The following R3HDM1 variants were observed in gnomAD, a reference collection of about 807,000 sequenced individuals.
R3HDM1 encodes R3H domain containing 1, also known as R3H domain-containing protein 1.
R3HDM1 carries 46 observed loss-of-function variants against 141.1 expected under a neutral mutation model. The observed-to-expected ratio is 0.33, with a 90% CI of 0.26 to 0.42. The LOEUF (loss-of-function observed/expected upper bound fraction) is 0.42, where lower values mean the gene tolerates loss of function less well. R3HDM1 is among the 10% of genes least tolerant of loss of function. R3HDM1 has a pLI of 1.00. For missense variants in R3HDM1, 1,184 were observed against 1,368.3 expected, an observed-to-expected ratio of 0.87 and a Z score of 2.12; for synonymous variants, 435 against 472.9, an observed-to-expected ratio of 0.92 and a Z score of 1.04.
intron 1 of R3HDM1, among the ~76,000 whole-genome samples, 182 bp from the exon 2 acceptor site, chr2:135,602,318 T>TGA (rs2059692281): frequency 6.6e-6 from 1 of 152,218 alleles, no homozygotes. Flanking sequence ...CTCAGTGACT[T>TGA]ATTCAGGTTC....
intron 1 of R3HDM1, chr2:135,597,092 T>C: frequency 1.0e-6 from 1 of 979,602 alleles, no homozygotes; most frequent in Admixed American, 6.1e-5. Flanking sequence ...TCCCTAAAAG[T>C]AATTTGTTTC....
At chr2:135,637,617 C>T (rs2105235902) in intron 11 of R3HDM1, among the ~76,000 whole-genome samples, 2 of 152,256 alleles carry the variant, frequency 1.3e-5, no homozygotes, top group East Asian at 3.9e-4. Context: ...TACTGCACTC[C>T]AGCCTGGGTG....
chr2:135,614,300 C>CT (rs201926088), intron 3 of R3HDM1, among the ~76,000 whole-genome samples: 1 of 151,974 alleles, frequency 6.6e-6, no homozygotes, highest in African/African-American at 2.4e-5. Context: ...ATTTTATAGA[C>CT]TTTTTTTTAA....
At chr2:135,539,510 G>C (rs976680547) in intron 1 of R3HDM1, among the ~76,000 whole-genome samples, 1 of 152,122 alleles carries the variant, frequency 6.6e-6, no homozygotes, top group Non-Finnish European at 1.5e-5. Context: ...TGATTGTATT[G>C]ATACAGCAAC....
chr2:135,654,918 T>C (rs1168027926), intron 18 of R3HDM1, among the ~76,000 whole-genome samples: 1 of 151,394 alleles, frequency 6.6e-6, no homozygotes, highest in Non-Finnish European at 1.5e-5. Flanking sequence ...CTTTTTGTTA[T>C]TGAGCTAAGA....
intron 1 of R3HDM1, among the ~76,000 whole-genome samples, chr2:135,540,572 A>G (rs1697262735): frequency 6.6e-6 from 1 of 151,960 alleles, no homozygotes; most frequent in Non-Finnish European, 1.5e-5. Context: ...ACATCCGTCT[A>G]TTTTTATTTA....
intron 18 of R3HDM1, among the ~76,000 whole-genome samples, chr2:135,655,873 T>G (rs2065814635): frequency 6.6e-6 from 1 of 152,142 alleles, no homozygotes; most frequent in African/African-American, 2.4e-5. Flanking sequence ...GCTTTTCTGT[T>G]TCTGCAAAAA....
intron 1 of R3HDM1, among the ~76,000 whole-genome samples, chr2:135,582,103 G>A (rs767088075): frequency 1.3e-5 from 2 of 152,088 alleles, no homozygotes; most frequent in African/African-American, 2.4e-5. Flanking sequence ...CCAAGTGGGC[G>A]GATCACCTGA....
At chr2:135,720,252 T>A (rs2076576925) in intron 24 of R3HDM1, among the ~76,000 whole-genome samples, 1 of 152,164 alleles carries the variant, frequency 6.6e-6, no homozygotes, top group Admixed American at 6.5e-5. Flanking sequence ...AAAGAGTATG[T>A]CATGCATATG....
intron 1 of R3HDM1, among the ~76,000 whole-genome samples, chr2:135,579,000 T>A (rs996449348): frequency 1.3e-5 from 2 of 152,216 alleles, no homozygotes; most frequent in African/African-American, 4.8e-5. Flanking sequence ...AATATGTGTA[T>A]ACTGTACATA....
chr2:135,611,012 A>AG (rs527410188), intron 3 of R3HDM1, among the ~76,000 whole-genome samples: 49 of 151,840 alleles, frequency 3.2e-4, no homozygotes, highest in Middle Eastern at 3.4e-3. Flanking sequence ...TGGGAGGCTG[A>AG]GGTGGGAGGA....
Position 135,724,450 on chromosome 2 carries a change from G to A in R3HDM1, c.*158G>A. ...GAAAGGCCAGTGATCCAGCAAAGGG[G>A]GAAAAATATGCATTTCACCCCACAT... On this transcript the variant is annotated 3_prime_UTR_variant, in exon 27 of 27. Coordinates refer to ENST00000683871, the MANE Select transcript of R3HDM1 (RefSeq NM_001378107.1). 2 of 558,094 alleles carry A rather than the reference G, an allele frequency of 3.6e-6. No homozygotes were observed. The highest frequency in any genetic ancestry group is 3.1e-6 in the Non-Finnish European group (1 of 324,452). 34.6% of individuals were successfully genotyped at this position (558,094 alleles called of 1,614,324 possible). A position where few individuals can be genotyped will look rare whatever the true frequency, so the allele number is the denominator to read the frequency against.
chr2:135,607,741 C>G lies in R3HDM1; in HGVS notation c.171+2725C>G, dbSNP rs1012478033. On this transcript the variant is annotated intron_variant, in intron 3 of 26. Coordinates refer to ENST00000683871, the MANE Select transcript of R3HDM1 (RefSeq NM_001378107.1). ...ACCATGTCTATTGTGTTGCCCTTGG[C>G]AGTAAGCCACAAGAACATTCTGATG... The G allele has an allele frequency of 1.5e-5, 9 of 581,830 alleles. No homozygotes were observed. In the African/African-American group the frequency reaches 1.6e-4, roughly 11 times the overall value. The allele number at this position is 581,830 out of a possible 1,614,324, so 36.0% of individuals were successfully genotyped here.
intron 19 of R3HDM1, among the ~76,000 whole-genome samples, chr2:135,672,726 A>AGTGC (rs1456032664): frequency 2.0e-5 from 3 of 151,910 alleles, no homozygotes; most frequent in African/African-American, 7.3e-5. Context: ...TTTGTAAGAG[A>AGTGC]GTGCGTGTGT....
chr2:135,559,055 G>T, intron 1 of R3HDM1: 2 of 743,076 alleles, frequency 2.7e-6, no homozygotes, highest in Non-Finnish European at 3.1e-6. Flanking sequence ...CACAAAGTGT[G>T]TGTGTGTGTG....
chr2:135,637,290 T>G (rs1259999342), intron 11 of R3HDM1, among the ~76,000 whole-genome samples: 5 of 152,030 alleles, frequency 3.3e-5, no homozygotes, highest in African/African-American at 4.8e-5. Flanking sequence ...AGTGAAGAGT[T>G]CCAAGTCGAG....
chr2:135,674,137 T>C (rs1248248150), intron 19 of R3HDM1, among the ~76,000 whole-genome samples: 1 of 152,198 alleles, frequency 6.6e-6, no homozygotes, highest in African/African-American at 2.4e-5. Context: ...GGTTATATTT[T>C]TAAAGAAGAT....
chr2:135,636,057 A>C (rs763825656), intron 10 of R3HDM1, 31 bp from the exon 11 acceptor site: 3 of 1,610,794 alleles, frequency 1.9e-6, no homozygotes, highest in African/African-American at 1.3e-5. Context: ...CCAGTAGTTC[A>C]TTTGCCTAAA....
intron 19 of R3HDM1, among the ~76,000 whole-genome samples, chr2:135,663,146 A>C (rs1258885864): frequency 6.6e-6 from 1 of 151,128 alleles, no homozygotes; most frequent in Non-Finnish European, 1.5e-5. Flanking sequence ...AAAAAAAAAA[A>C]AAAAAAAAAT....
Sources: gnomAD v4.1 joint callset for allele counts (sites outside exome capture counted in the v4.1 genomes callset) on GRCh38, gnomAD v4.1.1 for gene constraint, MANE v1.5 for transcripts, NCBI Gene and HGNC (gene_info 2026-07-23, HGNC 2026-07-21) for gene names.